Variants in FOXP2 observed in about 807,000 individuals in gnomAD.
The protein encoded by FOXP2 is forkhead box P2, also known as forkhead box protein P2.
In FOXP2, 12 loss-of-function variants were observed where a neutral mutation model predicts 115.8. The observed-to-expected ratio is 0.10, with a 90% CI of 0.07 to 0.17. The LOEUF is 0.17. FOXP2 is among the 10% of genes least tolerant of loss of function. The pLI is 1.00. For missense variants in FOXP2, 629 were observed against 843.5 expected (o/e 0.75, Z 3.15); for synonymous variants, 328 against 297.7 (o/e 1.10, Z -1.05).
At position 114,232,745 on chromosome 7, in the gene FOXP2, G is replaced by A. The variant is rs145662281; in HGVS notation, c.-101-55274G>A. 1.4e-3 allele frequency among the ~76,000 whole-genome samples: 214 copies of A among 151,918 alleles called. 1 individual carries two copies. Among genetic ancestry groups the A allele is most frequent in the African/African-American group, 4.9e-3 (202 of 41,400 alleles). Reference sequence around the variant, plus strand: ...GGAGAATCACTTGAACCCGGGAGGCGGAAGTTGTGGTGAGCCGAGATCATG... The same window carrying A: ...GGAGAATCACTTGAACCCGGGAGGCAGAAGTTGTGGTGAGCCGAGATCATG... On this transcript the variant is annotated intron_variant, in intron 1 of 17. Transcript: ENST00000634411.
At chr7:114,171,161 A>T (rs543683911) in intron 1 of FOXP2, among the ~76,000 whole-genome samples, 1 of 152,236 alleles carries the variant, frequency 6.6e-6, no homozygotes, top group South Asian at 2.1e-4. Flanking sequence ...CTAGAAATGA[A>T]GCAACAAAGC....
At chr7:114,426,313 T>A (rs777055692) in intron 1 of FOXP2, among the ~76,000 whole-genome samples, 189 bp from the exon 2 acceptor site, 1 of 151,710 alleles carries the variant, frequency 6.6e-6, no homozygotes, top group Non-Finnish European at 1.5e-5. Context: ...ATAGAAACCA[T>A]AATTTCAATG....
intron 2 of FOXP2, among the ~76,000 whole-genome samples, chr7:114,476,500 C>A (rs1796269974): frequency 6.6e-6 from 1 of 151,928 alleles, no homozygotes; most frequent in African/African-American, 2.4e-5. Context: ...TATATCAGTA[C>A]CATGCTGTTT....
At chr7:114,576,677 A>C (rs2129298929) in intron 3 of FOXP2, among the ~76,000 whole-genome samples, 1 of 152,018 alleles carries the variant, frequency 6.6e-6, no homozygotes, top group Non-Finnish European at 1.5e-5. Context: ...ATTAGGACAG[A>C]CTGTATTTTG....
chr7:114,360,026 C>A (rs897613016), intron 2 of FOXP2, among the ~76,000 whole-genome samples: 3 of 152,100 alleles, frequency 2.0e-5, no homozygotes, highest in Non-Finnish European at 4.4e-5. Flanking sequence ...CAAATCTCAT[C>A]TTGAATTATA....
At chr7:114,486,809 T>A (rs535378726) in intron 2 of FOXP2, among the ~76,000 whole-genome samples, 19 of 152,196 alleles carry the variant, frequency 1.2e-4, no homozygotes, top group Non-Finnish European at 2.2e-4. Context: ...TGACTCCATG[T>A]CTCACATCCA....
intron 2 of FOXP2, among the ~76,000 whole-genome samples, chr7:114,317,141 T>C (rs1916978): frequency 0.66 from 100,533 of 152,062 alleles, 34,379 homozygotes; most frequent in Middle Eastern, 0.82. Flanking sequence ...CCTCCACCCA[T>C]GTCCCCTGGT....
At chr7:114,443,312 CA>C (rs1177565076) in intron 2 of FOXP2, among the ~76,000 whole-genome samples, 10 of 152,020 alleles carry the variant, frequency 6.6e-5, no homozygotes, top group Non-Finnish European at 1.3e-4. Context: ...AAAAAGAATA[CA>C]AAAAAGGCAC....
chr7:114,499,794 T>C (rs1202819925), intron 2 of FOXP2: 1 of 152,234 alleles, frequency 6.6e-6, no homozygotes, highest in Non-Finnish European at 1.5e-5. Context: ...GTTGAAGGAT[T>C]GCTTAATTAA....
intron 2 of FOXP2, among the ~76,000 whole-genome samples, chr7:114,396,124 T>G (rs1792731052): frequency 6.6e-6 from 1 of 152,034 alleles, no homozygotes; most frequent in African/African-American, 2.4e-5. Flanking sequence ...TTCTATTTTT[T>G]TTTGTACCCA....
Position 114,322,701 on chromosome 7 carries a change from C to A in FOXP2, c.-11+34592C>A, listed in dbSNP as rs144281993. Among the ~76,000 whole-genome samples the A allele has an allele frequency of 3.7e-4, 57 of 152,108 alleles. No individual in the cohort carries two copies. The East Asian group carries it at 0.011, about 28-fold the overall frequency. On this transcript the variant is annotated intron_variant, in intron 2 of 17. Coordinates refer to the FOXP2 transcript ENST00000634411. ...AACCAGATTTTTCTAAGGCTAGAGT[C>A]CACATTCTAAAAAAATGTGGTACTT...
intron 2 of FOXP2, among the ~76,000 whole-genome samples, chr7:114,406,189 G>T (rs1307491241): frequency 6.6e-6 from 1 of 151,842 alleles, no homozygotes; most frequent in Admixed American, 6.6e-5. Flanking sequence ...TAAAAATCAA[G>T]TGTTCACATA....
intron 2 of FOXP2, among the ~76,000 whole-genome samples, chr7:114,393,426 G>T (rs1273823577): frequency 8.5e-5 from 13 of 152,136 alleles, no homozygotes; most frequent in African/African-American, 3.1e-4. Context: ...GCAGAGTAAG[G>T]AAGGTGTATA....
intron 1 of FOXP2, among the ~76,000 whole-genome samples, chr7:114,187,137 G>T (rs1793628264): frequency 6.6e-6 from 1 of 152,192 alleles, no homozygotes; most frequent in Admixed American, 6.5e-5. Flanking sequence ...GCTGCACCTT[G>T]ATTTTCCTTA....
At chr7:114,450,231 T>G (rs1373763981) in intron 2 of FOXP2, among the ~76,000 whole-genome samples, 4 of 152,112 alleles carry the variant, frequency 2.6e-5, no homozygotes, top group African/African-American at 9.6e-5. Context: ...CATACTTTTA[T>G]TCAAAACATT....
At chr7:114,629,546 G>T in intron 4 of FOXP2, 1 of 1,457,222 alleles carries the variant, frequency 6.9e-7, no homozygotes. Context: ...GTATTAATTT[G>T]GCTCTGACCC....
At chr7:114,176,915 T>C (rs1793331656) in intron 1 of FOXP2, among the ~76,000 whole-genome samples, 1 of 152,124 alleles carries the variant, frequency 6.6e-6, no homozygotes, top group Non-Finnish European at 1.5e-5. Context: ...GGATTAGTAT[T>C]GTCTAATTTT....
chr7:114,317,522 A>G (rs1488410721), intron 2 of FOXP2, among the ~76,000 whole-genome samples: 1 of 151,960 alleles, frequency 6.6e-6, no homozygotes, highest in Non-Finnish European at 1.5e-5. Flanking sequence ...GCTTCATACT[A>G]TCTCCACATC....
chr7:114,417,344 T>C (rs1407943518), intron 1 of FOXP2, among the ~76,000 whole-genome samples: 1 of 152,002 alleles, frequency 6.6e-6, no homozygotes, highest in African/African-American at 2.4e-5. Flanking sequence ...TTGTTTCCTC[T>C]AAAACAATGA....
Sources: allele counts gnomAD v4.1 joint callset (sites outside exome capture counted in the v4.1 genomes callset), GRCh38; gene constraint gnomAD v4.1.1; transcripts MANE v1.5; gene names NCBI Gene and HGNC (gene_info 2026-07-23, HGNC 2026-07-21).